ODAD2: variants seen among roughly 807,000 people sequenced by gnomAD.
ODAD2 encodes outer dynein arm-docking complex subunit 2.
In ODAD2, 89 loss-of-function variants were observed where a neutral mutation model predicts 106.8. The ratio of observed to expected loss-of-function variants is 0.83; its 90% CI spans 0.70 to 0.99. The LOEUF is 0.99. Ranked by LOEUF, ODAD2 falls within the 50% of genes least tolerant of loss-of-function variation. ODAD2 has a pLI of 0.00. For synonymous variants in ODAD2, 404 were observed against 436.2 expected (o/e 0.93, Z 0.92); for missense variants, 1,168 against 1,238.5 (o/e 0.94, Z 0.85).
chr10:27,816,377 A>AG (rs1465131329), intron 19 of ODAD2, among the ~76,000 whole-genome samples: 1 of 152,194 alleles, frequency 6.6e-6, no homozygotes, highest in African/African-American at 2.4e-5. Context: ...GGAAGTTTGG[A>AG]GGGGCTCATG....
chr10:27,918,263 CA>C (rs1844532800), intron 16 of ODAD2, among the ~76,000 whole-genome samples: 1 of 151,658 alleles, frequency 6.6e-6, no homozygotes, highest in East Asian at 1.9e-4. Context: ...AACATAAACA[CA>C]AAATATAAAA....
chr10:27,960,031 T>C (rs1332173282), intron 10 of ODAD2, among the ~76,000 whole-genome samples: 4 of 151,966 alleles, frequency 2.6e-5, no homozygotes, highest in African/African-American at 9.7e-5. Flanking sequence ...ATAAAAACCA[T>C]TTTAAAAATT....
chr10:27,969,391 T>A (rs1318680251), intron 8 of ODAD2, among the ~76,000 whole-genome samples: 1 of 152,304 alleles, frequency 6.6e-6, no homozygotes, highest in Non-Finnish European at 1.5e-5. Flanking sequence ...GTTTTCCAGG[T>A]ATTCGCAGGC....
chr10:27,823,858 A>G (rs1836806331), intron 19 of ODAD2, among the ~76,000 whole-genome samples: 1 of 147,328 alleles, frequency 6.8e-6, no homozygotes, highest in Non-Finnish European at 1.5e-5. Flanking sequence ...AAAATAGTTC[A>G]GGCCGGGCGC....
At chr10:27,878,209 A>T (rs1319612929) in intron 17 of ODAD2, among the ~76,000 whole-genome samples, 1 of 152,208 alleles carries the variant, frequency 6.6e-6, no homozygotes, top group Non-Finnish European at 1.5e-5. Context: ...GCACTAAAGT[A>T]AAGGTTGGAT....
At chr10:27,839,580 TC>T (rs1274660357) in intron 19 of ODAD2, among the ~76,000 whole-genome samples, 1 of 152,206 alleles carries the variant, frequency 6.6e-6, no homozygotes, top group East Asian at 1.9e-4. Flanking sequence ...TTATTTGCCA[TC>T]TAGTGCACTT....
intron 19 of ODAD2, among the ~76,000 whole-genome samples, chr10:27,852,333 A>G (rs1359986209): frequency 1.3e-5 from 2 of 152,230 alleles, no homozygotes; most frequent in East Asian, 3.9e-4. Context: ...ACAGTCAAAA[A>G]CAAGAACAAT....
At chr10:27,872,938 C>T (rs11971972) in intron 17 of ODAD2, among the ~76,000 whole-genome samples, 1 of 152,156 alleles carries the variant, frequency 6.6e-6, no homozygotes, top group Non-Finnish European at 1.5e-5. Flanking sequence ...ATGGTCCCCG[C>T]TCCTCCTTGT....
chr10:27,861,796 C>A (rs1840064217), intron 18 of ODAD2, among the ~76,000 whole-genome samples: 1 of 152,198 alleles, frequency 6.6e-6, no homozygotes. Flanking sequence ...TTGATTCAGG[C>A]AACAACTTGG....
intron 2 of ODAD2, among the ~76,000 whole-genome samples, chr10:27,994,522 G>T (rs1564586998): frequency 6.6e-6 from 1 of 152,018 alleles, no homozygotes; most frequent in Non-Finnish European, 1.5e-5. Context: ...TTGAGGCCAG[G>T]AATTTGAGAC....
At chr10:27,919,413 G>C (rs1384093722) in intron 16 of ODAD2, among the ~76,000 whole-genome samples, 1 of 151,936 alleles carries the variant, frequency 6.6e-6, no homozygotes, top group East Asian at 1.9e-4. Context: ...TTACTCCACA[G>C]TACATATATC....
chr10:27,828,767 T>C (rs1837259700), intron 19 of ODAD2, among the ~76,000 whole-genome samples: 1 of 152,182 alleles, frequency 6.6e-6, no homozygotes. Flanking sequence ...TAAGAATTTG[T>C]GTAATCTGCT....
At chr10:27,934,054 T>C (rs1590062290) in intron 16 of ODAD2, among the ~76,000 whole-genome samples, 1 of 152,106 alleles carries the variant, frequency 6.6e-6, no homozygotes. Context: ...AGTGAGTAAG[T>C]CTCATGAGAT....
In ODAD2 at chr10:27,940,181, G is replaced by A. The variant is rs60857634; in HGVS notation, c.1987-174C>T. ...ACTGAATTAATATACACATATGTGT[G>A]TTTGTGTGTGTGTATATATATATAG... is the stretch of plus-strand genomic sequence containing the variant. On this transcript the variant is annotated intron_variant, in intron 13 of 19. Coordinates refer to ENST00000305242, the MANE Select transcript of ODAD2 (RefSeq NM_018076.5). Among the ~76,000 whole-genome samples the A allele has an allele frequency of 3.0e-3, 456 of 151,932 alleles. 5 individuals are homozygous for A. The highest frequency in any genetic ancestry group is 0.011 in the African/African-American group (443 of 41,426).
At chr10:27,935,445 C>T (rs765276317) in intron 15 of ODAD2, among the ~76,000 whole-genome samples, 193 bp from the exon 16 acceptor site, 21 of 152,158 alleles carry the variant, frequency 1.4e-4, no homozygotes, top group Non-Finnish European at 2.8e-4. Flanking sequence ...AGACCTGCAC[C>T]CTTAATCACC....
chr10:27,887,375 A>G (rs943431713), intron 17 of ODAD2, among the ~76,000 whole-genome samples: 3 of 152,044 alleles, frequency 2.0e-5, no homozygotes, highest in Admixed American at 6.6e-5. Flanking sequence ...AGTTGAAGGG[A>G]AAAATAGGCA....
intron 7 of ODAD2, among the ~76,000 whole-genome samples, chr10:27,974,003 T>C (rs924399198): frequency 6.6e-6 from 1 of 152,234 alleles, no homozygotes; most frequent in Non-Finnish European, 1.5e-5. Context: ...TATCTCATTA[T>C]GGTTTTGATT....
chr10:27,830,209 C>T (rs1250992179), intron 19 of ODAD2, among the ~76,000 whole-genome samples: 1 of 152,150 alleles, frequency 6.6e-6, no homozygotes, highest in African/African-American at 2.4e-5. Context: ...CTCCTGGTTT[C>T]CCGGAATGTC....
At chr10:27,850,909 A>C (rs1839211314) in intron 19 of ODAD2, among the ~76,000 whole-genome samples, 1 of 152,212 alleles carries the variant, frequency 6.6e-6, no homozygotes, top group Non-Finnish European at 1.5e-5. Flanking sequence ...AAAGCCTGAC[A>C]GTCTGTCCGA....
Sources: allele counts gnomAD v4.1 joint callset (sites outside exome capture counted in the v4.1 genomes callset), GRCh38; gene constraint gnomAD v4.1.1; transcripts MANE v1.5; gene names NCBI Gene and HGNC (gene_info 2026-07-23, HGNC 2026-07-21).